The following PRKDC variants were observed in gnomAD, a reference collection of about 807,000 sequenced individuals.
PRKDC encodes DNA-dependent protein kinase catalytic subunit.
A neutral mutation model predicts 486.9 loss-of-function variants in PRKDC; 82 were observed. The ratio of observed to expected loss-of-function variants is 0.17; its 90% confidence interval spans 0.14 to 0.20. The LOEUF is 0.20. Ranked by LOEUF, PRKDC falls within the 10% of genes least tolerant of loss-of-function variation. The probability of loss-of-function intolerance (pLI) is 1.00; values close to 1 mark genes in which losing one functional copy is unlikely to be tolerated. For missense variants in PRKDC, 4,504 were observed against 5,038.2 expected, an observed-to-expected ratio of 0.89 and a Z score of 3.21; for synonymous variants, 1,895 against 1,837.0, an observed-to-expected ratio of 1.03 and a Z score of -0.81.
At chr8:47,890,603 A>G in intron 31 of PRKDC, 123 bp from the exon 32 acceptor site, 1 of 638,954 alleles carries the variant, frequency 1.6e-6, no homozygotes, top group Admixed American at 3.2e-5. Flanking sequence ...AATTTTTCAA[A>G]AGAAACAAAC....
chr8:47,957,550 G>A (rs546182948), intron 1 of PRKDC, 119 bp from the exon 2 acceptor site: 16 of 841,714 alleles, frequency 1.9e-5, no homozygotes, highest in South Asian at 5.1e-5. Flanking sequence ...TCGCTCTGTC[G>A]CCCAGGCTGG....
intron 25 of PRKDC, among the ~76,000 whole-genome samples, chr8:47,907,213 T>A (rs2154502571): frequency 6.6e-6 from 1 of 150,584 alleles, no homozygotes; most frequent in Admixed American, 6.9e-5. Flanking sequence ...GCTAATTTTC[T>A]GTACCTTTAG....
chr8:47,826,926 G>A, intron 62 of PRKDC, 65 bp from the exon 63 acceptor site: 2 of 1,432,772 alleles, frequency 1.4e-6, no homozygotes, highest in Non-Finnish European at 1.9e-6. Flanking sequence ...TTCACAAGGA[G>A]TAACATACTT....
chr8:47,799,575 C>T (rs898115923), intron 71 of PRKDC, among the ~76,000 whole-genome samples, 185 bp from the exon 72 acceptor site: 1 of 152,202 alleles, frequency 6.6e-6, no homozygotes, highest in Non-Finnish European at 1.5e-5. Context: ...GCAAGATCCT[C>T]AGCAGGTAAC....
intron 85 of PRKDC, 137 bp downstream of exon 85, chr8:47,776,707 G>A: frequency 1.6e-6 from 2 of 1,230,062 alleles, no homozygotes; most frequent in Non-Finnish European, 2.3e-6. Context: ...TCTAAGCCCT[G>A]CTTTCCTCCT....
chr8:47,927,637 G>A, intron 20 of PRKDC, 134 bp downstream of exon 20: 1 of 1,199,764 alleles, frequency 8.3e-7, no homozygotes, highest in Non-Finnish European at 1.1e-6. Flanking sequence ...GTAAGTGGCA[G>A]AAGCAGACCC....
In PRKDC at chr8:47,897,314, T is replaced by C; in HGVS notation, c.3465-20A>G. ...AATCCTCTGCACAGAGACAGCATAC[T>C]GTCATTAGTCCCTCTCCAACATGCA... On this transcript the variant is annotated intron_variant, in intron 29 of 85. Coordinates refer to ENST00000314191, the MANE Select transcript of PRKDC (RefSeq NM_006904.7). 1 of 1,548,326 alleles carries C rather than the reference T, an allele frequency of 6.5e-7. No homozygotes were observed. Among genetic ancestry groups the C allele is most frequent in the South Asian group, 1.2e-5 (1 of 82,226 alleles).
At chr8:47,851,781 T>C (rs2088411451) in intron 52 of PRKDC, among the ~76,000 whole-genome samples, 1 of 152,130 alleles carries the variant, frequency 6.6e-6, no homozygotes, top group South Asian at 2.1e-4. Context: ...GAGAGGGGGC[T>C]GCCACAGGAG....
intron 68 of PRKDC, among the ~76,000 whole-genome samples, chr8:47,816,297 A>T (rs939079842): frequency 3.9e-5 from 6 of 152,324 alleles, no homozygotes; most frequent in African/African-American, 1.4e-4. Flanking sequence ...GGCCAGAGAC[A>T]GATCACCTGA....
At chr8:47,833,188 A>C (rs1036365350) in intron 59 of PRKDC, among the ~76,000 whole-genome samples, 1 of 152,210 alleles carries the variant, frequency 6.6e-6, no homozygotes, top group Non-Finnish European at 1.5e-5. Flanking sequence ...CATTTAGAGA[A>C]CTGTGTGTGG....
chr8:47,921,083 T>C (rs1315553253), intron 21 of PRKDC, among the ~76,000 whole-genome samples: 1 of 151,938 alleles, frequency 6.6e-6, no homozygotes, highest in Non-Finnish European at 1.5e-5. Context: ...GAAACCCCCA[T>C]CTCTACTAAA....
intron 54 of PRKDC, among the ~76,000 whole-genome samples, chr8:47,840,503 C>T (rs953924173): frequency 6.6e-6 from 1 of 151,972 alleles, no homozygotes; most frequent in Non-Finnish European, 1.5e-5. Context: ...GACAAATGTA[C>T]CAAGATTATG....
intron 73 of PRKDC, among the ~76,000 whole-genome samples, chr8:47,797,419 G>A (rs1287171970): frequency 1.3e-5 from 2 of 152,154 alleles, no homozygotes; most frequent in Non-Finnish European, 2.9e-5. Flanking sequence ...TATTCAGAAT[G>A]CAGAAAAAGG....
rs755397534 is a variant in PRKDC, at chr8:47,849,485, A to G, written c.7024T>C (p.Cys2342Arg). 3 of 1,613,960 alleles carry G rather than the reference A, an allele frequency of 1.9e-6. No individual in the cohort carries two copies. The highest frequency in any genetic ancestry group is 1.7e-6 in the Non-Finnish European group (2 of 1,179,866). ...TTCAATTGTTTCGCAACCAGTTCAC[A>G]CAGAGACTCCTCCAGTATCTGAAAA... ...ERKNILEESL[C>R]ELVAKQLKQH... The change falls in exon 53 of 86, where the codon TGT (cysteine) becomes CGT (arginine). Residue 2342 changes from cysteine (C) to arginine (R), a missense_variant. This residue lies in a region of PRKDC where 1,592 missense variants were observed against 1,724.6 expected (regional missense o/e 0.92). Transcript: ENST00000314191.
Position 47,879,547 on chromosome 8 carries a change from T to C in PRKDC, c.5179A>G (p.Arg1727Gly). 1 of 1,597,858 alleles carries C rather than the reference T, an allele frequency of 6.3e-7. No individual in the cohort carries two copies. The highest frequency in any genetic ancestry group is 8.5e-7 in the Non-Finnish European group (1 of 1,171,802). ...CGCGGAGTTCCTGGAGGAAATTCCC[T>C]GGACTGCATGGGGAAGTGAGCAACG... Reference protein sequence around the residue: ...LIVAHFPMQSREFPPGTPRFN... With the variant: ...LIVAHFPMQSGEFPPGTPRFN... The change falls in exon 39 of 86, where the codon AGG becomes GGG. Residue 1727 changes from arginine to glycine, a missense_variant. Physicochemically the swap from Arg to Gly is moderately radical, Grantham distance 125 (BLOSUM62 -2). This residue lies in a region of PRKDC where 1,969 missense variants were observed against 2,068.9 expected (regional missense o/e 0.95). Coordinates refer to ENST00000314191, the MANE Select transcript of PRKDC (RefSeq NM_006904.7).
chr8:47,833,048 C>T (rs959766537), intron 59 of PRKDC, among the ~76,000 whole-genome samples: 1 of 152,192 alleles, frequency 6.6e-6, no homozygotes, highest in African/African-American at 2.4e-5. Context: ...GCCATCAGAT[C>T]CCAGAGAAAG....
rs771671106 is a variant in PRKDC at position 47,782,509 on chromosome 8, G to A, written c.11265C>T (p.Gly3755=). The change falls in exon 79 of 86, where the codon GGC becomes GGT. Residue 3755 remains glycine, a synonymous_variant. Coordinates refer to ENST00000314191, the MANE Select transcript of PRKDC (RefSeq NM_006904.7). The surrounding 1 kb of genome is among the most constrained non-coding windows in gnomAD (Gnocchi z 4.9). ...EREHPFLVKG[G]EDLRQDQRVE... ...CGCGCTGGTCCTGCCGCAGGTCCTCGCCACCCTTCACCAGGAAAGGGTGTT... is the reference window on the plus strand; with the variant it reads ...CGCGCTGGTCCTGCCGCAGGTCCTCACCACCCTTCACCAGGAAAGGGTGTT... The A allele has an allele frequency of 7.6e-6, 12 of 1,577,244 alleles. No individual in the cohort carries two copies. The highest frequency in any genetic ancestry group is 3.7e-5 in the Admixed American group (2 of 54,352).
intron 77 of PRKDC, 116 bp from the exon 78 acceptor site, chr8:47,783,925 C>T: frequency 5.7e-6 from 6 of 1,060,648 alleles, no homozygotes; most frequent in South Asian, 1.4e-5. Flanking sequence ...AAACCTTTTA[C>T]TGAAAAGTTT....
chr8:47,813,519 TTTCACTGGTAAA>T (rs2087378032), intron 68 of PRKDC, among the ~76,000 whole-genome samples: 1 of 151,936 alleles, frequency 6.6e-6, no homozygotes, highest in Non-Finnish European at 1.5e-5. Context: ...ATAGGATAGG[TTTCACTGGTAAA>T]TCCTATCAAA....
Sources: gnomAD v4.1 joint callset for allele counts (sites outside exome capture counted in the v4.1 genomes callset) on GRCh38, gnomAD v4.1.1 for gene constraint, gnomAD v4.1.1 regional missense constraint, Gnocchi (gnomAD v3.1) non-coding constraint, MANE v1.5 for transcripts, NCBI Gene and HGNC (gene_info 2026-07-23, HGNC 2026-07-21) for gene names.